NRXN3: variants seen among roughly 807,000 people sequenced by gnomAD.
NRXN3 encodes neurexin III.
NRXN3 carries 32 observed loss-of-function variants against 137.6 expected under a neutral mutation model. The ratio of observed to expected loss-of-function variants is 0.23; its 90% CI spans 0.18 to 0.31. NRXN3 has a LOEUF of 0.31. Ranked by LOEUF, NRXN3 falls within the 10% of genes least tolerant of loss-of-function variation. The pLI, the probability that NRXN3 is intolerant of heterozygous loss-of-function variation, is 1.00. For missense variants in NRXN3, 1,574 were observed against 2,062.5 expected (o/e 0.76, Z 4.59); for synonymous variants, 798 against 784.5 (o/e 1.02, Z -0.29).
intron 15 of NRXN3, among the ~76,000 whole-genome samples, chr14:79,369,099 T>C (rs945204837): frequency 1.3e-5 from 2 of 152,010 alleles, no homozygotes; most frequent in Non-Finnish European, 2.9e-5. Context: ...GTTCTGAAAA[T>C]GGTATTTCAA....
chr14:78,333,984 G>C (rs535210114), intron 4 of NRXN3, among the ~76,000 whole-genome samples: 1 of 152,124 alleles, frequency 6.6e-6, no homozygotes, highest in Non-Finnish European at 1.5e-5. Context: ...TTGGAAGGTA[G>C]AGCCAGCAGT....
chr14:79,708,016 T>C (rs2098788026), intron 19 of NRXN3, among the ~76,000 whole-genome samples: 1 of 152,036 alleles, frequency 6.6e-6, no homozygotes, highest in Non-Finnish European at 1.5e-5. Flanking sequence ...TAATATTTTT[T>C]CTATATCTCC....
chr14:78,465,077 A>G (rs1247509281), intron 4 of NRXN3, among the ~76,000 whole-genome samples: 1 of 152,150 alleles, frequency 6.6e-6, no homozygotes, highest in African/African-American at 2.4e-5. Flanking sequence ...TGTGCCAGGT[A>G]TGAGCCTATG....
At chr14:78,259,135 A>G (rs1458737295) in intron 2 of NRXN3, among the ~76,000 whole-genome samples, 1 of 151,576 alleles carries the variant, frequency 6.6e-6, no homozygotes, top group Non-Finnish European at 1.5e-5. Flanking sequence ...CCATCTCAAA[A>G]AAAAAAAAAA....
At chr14:79,023,386 A>G (rs764163887) in intron 15 of NRXN3, among the ~76,000 whole-genome samples, 1 of 152,130 alleles carries the variant, frequency 6.6e-6, no homozygotes, top group Admixed American at 6.5e-5. Flanking sequence ...AAGTAAACAC[A>G]TGCAATAGAA....
intron 15 of NRXN3, among the ~76,000 whole-genome samples, chr14:79,375,307 A>G (rs2153442390): frequency 7.2e-6 from 1 of 138,366 alleles, no homozygotes; most frequent in Non-Finnish European, 1.5e-5. Flanking sequence ...CCACACATAT[A>G]CCCTTTTTTC....
chr14:78,536,537 C>T (rs2096537141), intron 4 of NRXN3, among the ~76,000 whole-genome samples: 2 of 152,160 alleles, frequency 1.3e-5, no homozygotes, highest in South Asian at 4.2e-4. Flanking sequence ...TATAATAGAA[C>T]TAGCTCTAGC....
intron 4 of NRXN3, among the ~76,000 whole-genome samples, chr14:78,617,833 C>A (rs1441461379): frequency 6.6e-6 from 1 of 151,386 alleles, no homozygotes; most frequent in Non-Finnish European, 1.5e-5. Context: ...AAAGTTATAT[C>A]TATATCTGTC....
chr14:79,715,684 T>C (rs1033064013), intron 19 of NRXN3, among the ~76,000 whole-genome samples: 1 of 152,186 alleles, frequency 6.6e-6, no homozygotes, highest in Non-Finnish European at 1.5e-5. Context: ...AACAAACCAA[T>C]TTTACACATA....
intron 15 of NRXN3, among the ~76,000 whole-genome samples, chr14:79,377,339 C>T (rs755778271): frequency 1.3e-5 from 2 of 152,080 alleles, no homozygotes; most frequent in Admixed American, 1.3e-4. Context: ...ATGATTGGAG[C>T]CTCTGAAACT....
chr14:79,030,313 C>T (rs2099605673), intron 15 of NRXN3, among the ~76,000 whole-genome samples: 1 of 151,966 alleles, frequency 6.6e-6, no homozygotes, highest in Admixed American at 6.6e-5. Context: ...CACAATTGTT[C>T]CCAGTTGAGA....
chr14:79,780,540 C>T (rs965243093), intron 19 of NRXN3, among the ~76,000 whole-genome samples: 19 of 151,982 alleles, frequency 1.3e-4, no homozygotes, highest in East Asian at 5.8e-4. Flanking sequence ...ACCCGGGAGG[C>T]GGAGCTTGCA....
At position 79,021,817 on chromosome 14, in the gene NRXN3, A is replaced by G. The variant is rs188251126; in HGVS notation, c.3262+33676A>G. ...CATGATTATGCATTTGTTCAAATCT[A>G]TGGCATACAATGAGTGAAGAATGTA... On this transcript the variant is annotated intron_variant, in intron 15 of 20. Transcript: ENST00000335750. Among the ~76,000 whole-genome samples, 475 of 152,366 alleles carry G rather than the reference A, an allele frequency of 3.1e-3. 1 individual carries two copies. Among genetic ancestry groups the G allele is most frequent in the Admixed American group, 9.0e-3 (138 of 15,296 alleles).
chr14:78,987,979 T>G (rs1159546654), intron 14 of NRXN3, 43 bp from the exon 15 acceptor site: 1 of 1,586,472 alleles, frequency 6.3e-7, no homozygotes, highest in Non-Finnish European at 8.6e-7. Flanking sequence ...ATTTCTTCTC[T>G]CTCTCCTTTT....
In NRXN3 at chr14:79,102,883, G is replaced by C. The variant is rs77940997; in HGVS notation, c.3262+114742G>C. Among the ~76,000 whole-genome samples, 958 of 152,258 alleles carry C rather than the reference G, an allele frequency of 6.3e-3. 4 individuals are homozygous for C. The highest frequency in any genetic ancestry group is 0.01 in the Non-Finnish European group (688 of 68,008). On this transcript the variant is annotated intron_variant, in intron 15 of 20. Coordinates refer to ENST00000335750, the MANE Select transcript of NRXN3 (RefSeq NM_001330195.2). Reference sequence around the variant, plus strand: ...AAAAATGGTAGTAAGTGAGAAAAAGGTGAATTAAGATCAAATTGTGAAAAA... The same window carrying C: ...AAAAATGGTAGTAAGTGAGAAAAAGCTGAATTAAGATCAAATTGTGAAAAA...
chr14:78,918,162 G>A (rs1480677690), intron 10 of NRXN3, among the ~76,000 whole-genome samples: 3 of 151,128 alleles, frequency 2.0e-5, no homozygotes, highest in South Asian at 2.1e-4. Flanking sequence ...GCGCATGCCC[G>A]TAATCCCAGC....
At chr14:79,538,692 C>T (rs1475276910) in intron 16 of NRXN3, among the ~76,000 whole-genome samples, 1 of 152,094 alleles carries the variant, frequency 6.6e-6, no homozygotes, top group East Asian at 1.9e-4. Context: ...TCTAGGTTGC[C>T]TGTTCACTGT....
chr14:79,680,315 G>A (rs1344806495), intron 17 of NRXN3, among the ~76,000 whole-genome samples: 2 of 152,142 alleles, frequency 1.3e-5, no homozygotes, highest in African/African-American at 2.4e-5. Context: ...AGCCCAGGAG[G>A]TGAAGGTTGC....
At chr14:79,049,093 TAATA>T (rs1277990384) in intron 15 of NRXN3, among the ~76,000 whole-genome samples, 1 of 106,616 alleles carries the variant, frequency 9.4e-6, no homozygotes. Context: ...ATAATAATAA[TAATA>T]TGATGGGGTG....
Sources: allele counts gnomAD v4.1 joint callset (sites outside exome capture counted in the v4.1 genomes callset), GRCh38; gene constraint gnomAD v4.1.1; transcripts MANE v1.5; gene names NCBI Gene and HGNC (gene_info 2026-07-23, HGNC 2026-07-21).